The following AGL variants were observed in gnomAD, a reference collection of about 807,000 sequenced individuals.
The protein encoded by AGL is amylo-alpha-1,6-glucosidase and 4-alpha-glucanotransferase, also known as glycogen debranching enzyme.
In AGL, 128 loss-of-function variants were observed where a neutral mutation model predicts 199.3. That is an observed-to-expected ratio of 0.64 (90% CI 0.56 to 0.74). The LOEUF is 0.74. Among genes scored for constraint, AGL ranks in the 30% least tolerant of loss-of-function variants. AGL has a pLI of 0.00. For missense variants in AGL, 1,809 were observed against 1,820.8 expected (o/e 0.99, Z 0.12); for synonymous variants, 584 against 594.7 (o/e 0.98, Z 0.26).
At chr1:99,869,812 A>G (rs1007641267) in intron 5 of AGL, among the ~76,000 whole-genome samples, 1 of 152,206 alleles carries the variant, frequency 6.6e-6, no homozygotes, top group Admixed American at 6.5e-5. Context: ...TTTATTTTAA[A>G]TTAAAACAAA....
chr1:99,866,420 A>G (rs1168197495), intron 5 of AGL, among the ~76,000 whole-genome samples: 1 of 152,212 alleles, frequency 6.6e-6, no homozygotes, highest in African/African-American at 2.4e-5. Flanking sequence ...TCTTAGTCAG[A>G]TATGGCTATT....
In AGL at chr1:99,876,502, A is replaced by C; in HGVS notation, c.1328A>C (p.Glu443Ala). ...PFEEIDFSME[E>A]SMIHLPNKAC... ...GAAGAGATAGACTTCTCCATGGAAGAATCTATGATTCATCTGCCAAATAAA... is the reference window on the plus strand; with the variant it reads ...GAAGAGATAGACTTCTCCATGGAAGCATCTATGATTCATCTGCCAAATAAA... Residue 443 changes from glutamate to alanine, a missense_variant, in exon 11 of 34, where the codon GAA becomes GCA. Transcript: ENST00000361915. 6.2e-7 allele frequency: 1 copy of C among 1,611,544 alleles called. No individual in the cohort carries two copies. The highest frequency in any genetic ancestry group is 1.7e-4 in the Middle Eastern group (1 of 6,054).
intron 26 of AGL, 82 bp downstream of exon 26, chr1:99,900,943 G>A: frequency 8.1e-7 from 1 of 1,233,418 alleles, no homozygotes; most frequent in Non-Finnish European, 1.2e-6. Flanking sequence ...TAAAAATAAG[G>A]GTAATTAAGA....
chr1:99,874,530 G>C (rs1337515185), intron 7 of AGL, 157 bp from the exon 8 acceptor site: 1 of 717,682 alleles, frequency 1.4e-6, no homozygotes, highest in Non-Finnish European at 2.3e-6. Context: ...CGTGCACACA[G>C]CAGGATGAGA....
At chr1:99,862,825 G>A (rs1398865607) in intron 4 of AGL, among the ~76,000 whole-genome samples, 2 of 152,084 alleles carry the variant, frequency 1.3e-5, no homozygotes, top group East Asian at 3.8e-4. Context: ...CTCCAACATC[G>A]GGGATTACAA....
At chr1:99,897,349 T>C (rs929422831) in intron 25 of AGL, among the ~76,000 whole-genome samples, 38 of 152,178 alleles carry the variant, frequency 2.5e-4, no homozygotes, top group African/African-American at 8.9e-4. Context: ...TCACAAGGTC[T>C]CTGGATGATT....
Position 99,916,671 on chromosome 1 carries a change from CT to C in AGL, c.4422del (p.Ala1475GlnfsTer4), listed in dbSNP as rs1286364615. The C allele has an allele frequency of 9.9e-6, 16 of 1,613,092 alleles. No individual in the cohort carries two copies. Among genetic ancestry groups the C allele is most frequent in the African/African-American group, 1.3e-5 (1 of 74,870 alleles). On this transcript the variant is annotated frameshift_variant, in exon 33 of 34. Transcript: ENST00000361915. LOFTEE classifies it high-confidence loss of function. ...TCCAGATTGATGGGCCCGGAGACTA[CT>C]GCAAAGACTATAGTTTTGGTTAAAA... ...YFSRLMGPET[T>X]AKTIVLVKNV...
At chr1:99,907,722 G>T (rs1025607238) in intron 27 of AGL, among the ~76,000 whole-genome samples, 1 of 110,938 alleles carries the variant, frequency 9.0e-6, no homozygotes, top group African/African-American at 3.1e-5. Flanking sequence ...ATCCTAAATG[G>T]CTATGAGGTG....
In AGL at chr1:99,870,546, A is replaced by T; in HGVS notation, c.811A>T (p.Ile271Leu). 6.2e-7 allele frequency: 1 copy of T among 1,614,060 alleles called. No homozygotes were observed. The highest frequency in any genetic ancestry group is 8.5e-7 in the Non-Finnish European group (1 of 1,179,970). ...VAEGKYKEKG[I>L]PALIENDHHM... ...AGAAGGGAAATACAAAGAAAAGGGAATACCTGCTTTGATTGAAAATGATCA... is the reference window on the plus strand; with the variant it reads ...AGAAGGGAAATACAAAGAAAAGGGATTACCTGCTTTGATTGAAAATGATCA... The change falls in exon 6 of 34, where the codon ATA (isoleucine) becomes TTA (leucine). Residue 271 changes from isoleucine to leucine, a missense_variant. Transcript: ENST00000361915.
chr1:99,873,433 C>CT (rs553707025), intron 7 of AGL, among the ~76,000 whole-genome samples: 3,141 of 131,120 alleles, frequency 0.024, 81 homozygotes, highest in African/African-American at 0.065. Context: ...TGGCAGTGTT[C>CT]TTTTTTTTTT....
chr1:99,856,809 A>G (rs1649507190), intron 2 of AGL, among the ~76,000 whole-genome samples: 4 of 152,252 alleles, frequency 2.6e-5, no homozygotes, highest in African/African-American at 9.6e-5. Context: ...TTCTTAGTAC[A>G]GAACAAAATA....
intron 2 of AGL, among the ~76,000 whole-genome samples, chr1:99,857,854 A>AG (rs1649691324): frequency 9.0e-6 from 1 of 110,644 alleles, no homozygotes; most frequent in Non-Finnish European, 1.9e-5. Flanking sequence ...GGGAGGGGGG[A>AG]AGAGGGAGAG....
At chr1:99,918,836 A>C (rs1355411082) in intron 33 of AGL, among the ~76,000 whole-genome samples, 4 of 152,172 alleles carry the variant, frequency 2.6e-5, no homozygotes, top group Non-Finnish European at 4.4e-5. Flanking sequence ...CCATTAGTGA[A>C]TCAAGACCCA....
Position 99,865,026 on chromosome 1 carries a change from A to G in AGL, c.664+437A>G, listed in dbSNP as rs1413785335. Among the ~76,000 whole-genome samples, 7 of 152,296 alleles carry G rather than the reference A, an allele frequency of 4.6e-5. No individual in the cohort carries two copies. The South Asian group carries it at 1.2e-3, about 27-fold the overall frequency. On this transcript the variant is annotated intron_variant, in intron 5 of 33. Coordinates refer to ENST00000361915, the MANE Select transcript of AGL (RefSeq NM_000642.3). ...TCATGCTGTTTTAAGTAACATGACA[A>G]ACTCTCATGCCATCCTGCTCTATCC...
Position 99,881,723 on chromosome 1 carries a change from GTATTA to G in AGL, c.2308+39_2308+43del, listed in dbSNP as rs1420935992. The G allele has an allele frequency of 3.9e-6, 6 of 1,556,194 alleles. No homozygotes were observed. In the East Asian group the frequency reaches 6.9e-5, roughly 18 times the overall value. Reference sequence around the variant, plus strand: ...CAATCTAAAAATTGTTACTGTATTTGTATTATATTATTATATTAAATTATACTGTA... The same window carrying G: ...CAATCTAAAAATTGTTACTGTATTTGTATTATTATATTAAATTATACTGTA... On this transcript the variant is annotated intron_variant, in intron 17 of 33. Transcript: ENST00000361915.
intron 27 of AGL, among the ~76,000 whole-genome samples, chr1:99,905,610 CTG>C (rs1446742439): frequency 6.6e-6 from 1 of 152,204 alleles, no homozygotes; most frequent in Non-Finnish European, 1.5e-5. Context: ...GGGTCCCACT[CTG>C]TCACTGAGAC....
At chr1:99,878,483 T>C (rs935666835) in intron 12 of AGL, among the ~76,000 whole-genome samples, 1 of 152,158 alleles carries the variant, frequency 6.6e-6, no homozygotes, top group African/African-American at 2.4e-5. Flanking sequence ...CTATTTCTCT[T>C]TGAGCTCTTT....
At chr1:99,898,975 G>A (rs1248131749) in intron 25 of AGL, among the ~76,000 whole-genome samples, 2 of 152,076 alleles carry the variant, frequency 1.3e-5, no homozygotes, top group Non-Finnish European at 2.9e-5. Context: ...GGCCAGGCAT[G>A]GTGGCTCACA....
chr1:99,856,361 TC>T (rs1368982227), intron 2 of AGL, among the ~76,000 whole-genome samples: 1 of 75,030 alleles, frequency 1.3e-5, no homozygotes, highest in Non-Finnish European at 2.7e-5. Flanking sequence ...CCTCCCTCCC[TC>T]CCTTCCTTCC....
Sources: gnomAD v4.1 joint callset for allele counts (sites outside exome capture counted in the v4.1 genomes callset) on GRCh38, gnomAD v4.1.1 for gene constraint, MANE v1.5 for transcripts, NCBI Gene and HGNC (gene_info 2026-07-23, HGNC 2026-07-21) for gene names.